Variants in MTUS1 observed in about 807,000 individuals in gnomAD.
The protein encoded by MTUS1 is microtubule associated scaffold protein 1, also known as microtubule-associated tumor suppressor 1.
Under a neutral mutation model 120.8 loss-of-function variants are expected in MTUS1, and 109 were observed. The observed-to-expected ratio is 0.90, with a 90% CI of 0.77 to 1.06. The LOEUF (loss-of-function observed/expected upper bound fraction) is 1.06, where lower values mean the gene tolerates loss of function less well. MTUS1 is among the 50% of genes least tolerant of loss of function. MTUS1 has a pLI of 0.00. For missense variants in MTUS1, 2,210 were observed against 1,486.3 expected (o/e 1.49, Z -8.01); for synonymous variants, 737 against 550.5 (o/e 1.34, Z -4.74).
intron 6 of MTUS1, among the ~76,000 whole-genome samples, chr8:17,696,963 C>T (rs1008272001): frequency 1.3e-5 from 2 of 152,182 alleles, no homozygotes; most frequent in Non-Finnish European, 2.9e-5. Flanking sequence ...TATAATTTAA[C>T]AGGTGCTGAT....
chr8:17,647,059 C>G lies in MTUS1; in HGVS notation c.3522G>C (p.Leu1174Phe), dbSNP rs1805962601. Residue 1174 changes from leucine (L) to phenylalanine (F), a missense_variant, in exon 14 of 15, where the codon TTG (leucine) becomes TTC (phenylalanine). Coordinates refer to ENST00000693296, the MANE Select transcript of MTUS1 (RefSeq NM_001363059.2). ...GCTGGAAACGCTTCAATTTGTCAAC[C>G]AATGCTGTGTTGTTGTCCACCTTGG... ...MEKLVDNNTA[L>F]VDKLKRFQQE... 1.2e-6 allele frequency: 2 copies of G among 1,613,712 alleles called. No homozygotes were observed. The highest frequency in any genetic ancestry group is 1.7e-6 in the Non-Finnish European group (2 of 1,179,896).
At chr8:17,798,289 G>C (rs1375921617) in intron 1 of MTUS1, among the ~76,000 whole-genome samples, 3 of 152,034 alleles carry the variant, frequency 2.0e-5, no homozygotes, top group South Asian at 4.1e-4. Flanking sequence ...CCCAAGATAT[G>C]GAAGTTCTTG....
intron 6 of MTUS1, among the ~76,000 whole-genome samples, chr8:17,685,956 G>A (rs1420471667): frequency 6.6e-6 from 1 of 152,144 alleles, no homozygotes; most frequent in South Asian, 2.1e-4. Flanking sequence ...CCTGAAGGAA[G>A]AACAAATTAT....
intron 3 of MTUS1, chr8:17,724,112 T>C: frequency 1.9e-6 from 1 of 538,360 alleles, no homozygotes; most frequent in Non-Finnish European, 3.5e-6. Flanking sequence ...ACATGTTCTC[T>C]GAAGGAGATG....
chr8:17,787,243 C>T (rs2051382195), intron 1 of MTUS1, among the ~76,000 whole-genome samples: 1 of 152,208 alleles, frequency 6.6e-6, no homozygotes, highest in African/African-American at 2.4e-5. Context: ...AAGATAACGA[C>T]ATCAGTGCAC....
At position 17,754,593 on chromosome 8, in the gene MTUS1, C is replaced by T. The variant is rs1365420546; in HGVS notation, c.1215G>A (p.Val405=). The T allele has an allele frequency of 6.2e-7, 1 of 1,614,064 alleles. No homozygotes were observed. The highest frequency in any genetic ancestry group is 1.7e-5 in the Admixed American group (1 of 60,004). Residue 405 remains valine (V), a synonymous_variant, in exon 2 of 15, where the codon GTG becomes GTA. Coordinates refer to ENST00000693296, the MANE Select transcript of MTUS1 (RefSeq NM_001363059.2). ...LILSSPPGQK[V]GSSFGLTWDA... is the part of the protein sequence containing the mutation. The stretch of plus-strand genomic sequence containing the variant: ...CCCAAGTCAGTCCAAATGACGAGCC[C>T]ACCTTTTGTCCTGGCGGGCTACTTA...
At chr8:17,664,034 G>C (rs201715847) in intron 8 of MTUS1, 2 of 152,178 alleles carry the variant, frequency 1.3e-5, no homozygotes, top group African/African-American at 2.4e-5. Flanking sequence ...GTTACGGCTT[G>C]CAAGAGTCCA....
intron 2 of MTUS1, among the ~76,000 whole-genome samples, chr8:17,746,754 C>T (rs557704268): frequency 6.6e-6 from 1 of 152,170 alleles, no homozygotes; most frequent in Non-Finnish European, 1.5e-5. Context: ...GTATAGAATA[C>T]TATTCTAAAT....
At chr8:17,667,334 C>CA (rs1390219552) in intron 8 of MTUS1, among the ~76,000 whole-genome samples, 1 of 152,156 alleles carries the variant, frequency 6.6e-6, no homozygotes, top group Non-Finnish European at 1.5e-5. Flanking sequence ...AAGCCTACTT[C>CA]AAGAAAAGTC....
intron 2 of MTUS1, among the ~76,000 whole-genome samples, chr8:17,748,812 G>A (rs985207108): frequency 1.5e-4 from 23 of 152,214 alleles, no homozygotes; most frequent in African/African-American, 5.1e-4. Flanking sequence ...ACTGCACTAG[G>A]CACTCAGACA....
intron 3 of MTUS1, among the ~76,000 whole-genome samples, chr8:17,728,418 T>C (rs2046354768): frequency 6.6e-6 from 1 of 152,230 alleles, no homozygotes; most frequent in African/African-American, 2.4e-5. Context: ...ACAGATCATC[T>C]TAATAAAAAT....
chr8:17,653,925 G>C (rs772270015), intron 10 of MTUS1: 1 of 159,946 alleles, frequency 6.3e-6, no homozygotes, highest in Non-Finnish European at 1.4e-5. Context: ...TTCACTACAA[G>C]TCTGCCTGGA....
At chr8:17,762,552 A>G (rs1475727620) in intron 1 of MTUS1, among the ~76,000 whole-genome samples, 1 of 152,196 alleles carries the variant, frequency 6.6e-6, no homozygotes, top group East Asian at 1.9e-4. Context: ...AACCGAGTAG[A>G]GGAGTACTTG....
chr8:17,691,123 C>T (rs1312782086), intron 6 of MTUS1, among the ~76,000 whole-genome samples: 2 of 152,142 alleles, frequency 1.3e-5, no homozygotes, highest in Non-Finnish European at 2.9e-5. Context: ...CACTGCTATC[C>T]TTCCCATTCT....
At chr8:17,745,827 T>A (rs546028788) in intron 2 of MTUS1, among the ~76,000 whole-genome samples, 1 of 152,214 alleles carries the variant, frequency 6.6e-6, no homozygotes, top group African/African-American at 2.4e-5. Flanking sequence ...GTGATATAAT[T>A]TGGATCTGTG....
At chr8:17,652,603 A>G (rs1266801275) in intron 12 of MTUS1, among the ~76,000 whole-genome samples, 1 of 152,084 alleles carries the variant, frequency 6.6e-6, no homozygotes, top group African/African-American at 2.4e-5. Context: ...GAATATACTA[A>G]AAGCCACTGA....
intron 1 of MTUS1, among the ~76,000 whole-genome samples, chr8:17,796,982 C>A (rs1025592712): frequency 2.6e-5 from 4 of 152,174 alleles, no homozygotes; most frequent in African/African-American, 9.6e-5. Context: ...CATGGTGGCG[C>A]ACACCTGTAA....
intron 3 of MTUS1, among the ~76,000 whole-genome samples, chr8:17,736,134 T>C (rs117745392): frequency 2.6e-5 from 4 of 152,372 alleles, no homozygotes; most frequent in Non-Finnish European, 5.9e-5. Context: ...AAGCCTGCAC[T>C]GTGACATATT....
At chr8:17,749,524 G>A (rs757190433) in intron 2 of MTUS1, among the ~76,000 whole-genome samples, 16 of 151,918 alleles carry the variant, frequency 1.1e-4, no homozygotes, top group Non-Finnish European at 1.5e-4. Context: ...AGCTGGGTGT[G>A]GTGGTCCTCA....
Sources: allele counts gnomAD v4.1 joint callset (sites outside exome capture counted in the v4.1 genomes callset), GRCh38; gene constraint gnomAD v4.1.1; transcripts MANE v1.5; gene names NCBI Gene and HGNC (gene_info 2026-07-23, HGNC 2026-07-21).